Variants in AUTS2 observed in about 807,000 individuals in gnomAD.
AUTS2 encodes the protein activator of transcription and developmental regulator AUTS2, also known as autism susceptibility gene 2 protein.
A neutral mutation model predicts 112.4 loss-of-function variants in AUTS2; 17 were observed. The ratio of observed to expected loss-of-function variants is 0.15; its 90% CI spans 0.10 to 0.23. The LOEUF (loss-of-function observed/expected upper bound fraction) is 0.23, where lower values mean the gene tolerates loss of function less well. AUTS2 is among the 10% of genes least tolerant of loss of function. The pLI, the probability that AUTS2 is intolerant of heterozygous loss-of-function variation, is 1.00. For missense variants in AUTS2, 1,510 were observed against 1,701.6 expected (o/e 0.89, Z 1.98); for synonymous variants, 751 against 702.7 (o/e 1.07, Z -1.09).
chr7:69,738,567 C>T (rs1787134041), intron 1 of AUTS2, among the ~76,000 whole-genome samples: 1 of 152,088 alleles, frequency 6.6e-6, no homozygotes, highest in Non-Finnish European at 1.5e-5. Flanking sequence ...TTAAACTCAG[C>T]CTTGGACTAG....
At chr7:70,493,904 C>T (rs1375417542) in intron 5 of AUTS2, among the ~76,000 whole-genome samples, 1 of 151,878 alleles carries the variant, frequency 6.6e-6, no homozygotes, top group African/African-American at 2.4e-5. Flanking sequence ...AGTTGCAGTT[C>T]TAGGCAGTTA....
chr7:69,922,068 A>C (rs1429753869), intron 2 of AUTS2, among the ~76,000 whole-genome samples: 1 of 127,916 alleles, frequency 7.8e-6, no homozygotes, highest in African/African-American at 2.7e-5. Flanking sequence ...CTGTCTCAAA[A>C]AAAGAAAAAA....
intron 5 of AUTS2, among the ~76,000 whole-genome samples, chr7:70,505,700 G>T (rs1329863498): frequency 2.0e-5 from 3 of 152,158 alleles, no homozygotes; most frequent in African/African-American, 7.2e-5. Context: ...TTGTCCTAAG[G>T]AGGGAGCAGG....
rs1562793739 is a variant in AUTS2, at chr7:70,217,302, C to T, written c.660+82731C>T. On this transcript the variant is annotated intron_variant, in intron 4 of 18. Coordinates refer to ENST00000342771, the MANE Select transcript of AUTS2 (RefSeq NM_015570.4). The stretch of plus-strand genomic sequence containing the variant: ...CCTGGGATCTTGTGTTGTATGCAGT[C>T]ACTCTCAAGGTAGGAACTGGAAGAT... Among the ~76,000 whole-genome samples, 5 of 152,260 alleles carry T rather than the reference C, an allele frequency of 3.3e-5. No individual in the cohort carries two copies. In the South Asian group the frequency reaches 1.0e-3, roughly 32 times the overall value.
At position 70,351,760 on chromosome 7, in the gene AUTS2, G is replaced by T. The variant is rs1308243394; in HGVS notation, c.661-83992G>T. On this transcript the variant is annotated intron_variant, in intron 4 of 18. Coordinates refer to ENST00000342771, the MANE Select transcript of AUTS2 (RefSeq NM_015570.4). ...TCTGTTGCCCAGGCTGGCGTGCAGTGGTGTGATCTCGGCTTACTGCAAACT... is the reference window on the plus strand; with the variant it reads ...TCTGTTGCCCAGGCTGGCGTGCAGTTGTGTGATCTCGGCTTACTGCAAACT... Among the ~76,000 whole-genome samples, 7 of 143,292 alleles carry T rather than the reference G, an allele frequency of 4.9e-5. No individual in the cohort carries two copies. The East Asian group carries it at 1.4e-3, about 30-fold the overall frequency. The allele number at this position is 143,292 out of a possible 152,430, so 94.0% of individuals were successfully genotyped here. A position where few individuals can be genotyped will look rare whatever the true frequency, so the allele number is the denominator to read the frequency against.
At chr7:70,158,857 T>C (rs975894315) in intron 4 of AUTS2, among the ~76,000 whole-genome samples, 2 of 152,190 alleles carry the variant, frequency 1.3e-5, no homozygotes, top group East Asian at 3.8e-4. Context: ...ATATAAATAA[T>C]CATCTACCTA....
rs200365777 is a variant in AUTS2 at position 69,599,983 on chromosome 7, C to A, written c.309+21C>A. 3,392 of 1,612,306 alleles carry A rather than the reference C, an allele frequency of 2.1e-3. 39 individuals carry two copies. Among genetic ancestry groups the A allele is most frequent in the South Asian group, 0.02 (1,810 of 91,006 alleles). ...TGGAGGTAAGGGGGACCCCCCTTCC[C>A]CCGGGTTCCCTTTATGCACGACCCC... On this transcript the variant is annotated intron_variant, in intron 1 of 18. Transcript: ENST00000342771. This position sits in a 1 kb window ranked among gnomAD's most constrained non-coding sequence, Gnocchi z 7.0.
At chr7:70,346,964 T>G (rs1185884068) in intron 4 of AUTS2, among the ~76,000 whole-genome samples, 4 of 152,176 alleles carry the variant, frequency 2.6e-5, no homozygotes, top group African/African-American at 9.7e-5. Context: ...CAGTCTCCTT[T>G]CTGTTCAGCC....
intron 5 of AUTS2, among the ~76,000 whole-genome samples, chr7:70,635,656 T>G (rs1805496852): frequency 6.6e-6 from 1 of 152,220 alleles, no homozygotes; most frequent in Non-Finnish European, 1.5e-5. Flanking sequence ...GCATTGTTTA[T>G]CAGGTACTGT....
rs1212334197 is a variant in AUTS2 at position 70,212,028 on chromosome 7, A to G, written c.660+77457A>G. Among the ~76,000 whole-genome samples, 5 of 152,322 alleles carry G rather than the reference A, an allele frequency of 3.3e-5. No homozygotes were observed. In the East Asian group the frequency reaches 5.8e-4, roughly 18 times the overall value. On this transcript the variant is annotated intron_variant, in intron 4 of 18. Transcript: ENST00000342771. ...GCATTATACAGAGAACAAATTGAGTAGACTTTTTTAGAATGATAGAGTGTC... is the reference window on the plus strand; with the variant it reads ...GCATTATACAGAGAACAAATTGAGTGGACTTTTTTAGAATGATAGAGTGTC...
intron 1 of AUTS2, among the ~76,000 whole-genome samples, chr7:69,684,719 T>A (rs1189738856): frequency 6.6e-6 from 1 of 152,234 alleles, no homozygotes; most frequent in Non-Finnish European, 1.5e-5. Flanking sequence ...TTTAGCTTAC[T>A]GTGGAATATG....
chr7:69,904,844 G>T (rs955276723), intron 2 of AUTS2, among the ~76,000 whole-genome samples: 1 of 152,168 alleles, frequency 6.6e-6, no homozygotes, highest in Non-Finnish European at 1.5e-5. Context: ...AAGGAAAGAT[G>T]GAGGGAATAA....
intron 6 of AUTS2, among the ~76,000 whole-genome samples, chr7:70,751,706 C>A (rs778345500): frequency 6.6e-6 from 1 of 151,986 alleles, no homozygotes; most frequent in African/African-American, 2.4e-5. Flanking sequence ...ACAGAAGTAC[C>A]GTGTTTAAGT....
chr7:69,768,246 G>T (rs1473754975), intron 1 of AUTS2, among the ~76,000 whole-genome samples: 1 of 152,096 alleles, frequency 6.6e-6, no homozygotes, highest in Non-Finnish European at 1.5e-5. Flanking sequence ...TCTCACGCTG[G>T]GTTGTGTAAA....
chr7:70,065,133 C>T (rs1802428969), intron 2 of AUTS2, among the ~76,000 whole-genome samples: 1 of 152,102 alleles, frequency 6.6e-6, no homozygotes, highest in Non-Finnish European at 1.5e-5. Flanking sequence ...GAACAAATCA[C>T]TCTTGGAAAT....
In AUTS2 at chr7:69,808,054, A is replaced by G. The variant is rs146768800; in HGVS notation, c.310-91232A>G. 2.4e-4 allele frequency among the ~76,000 whole-genome samples: 36 copies of G among 149,524 alleles called. No individual in the cohort carries two copies. The East Asian group carries it at 6.6e-3, about 27-fold the overall frequency. ...CTCCTACCTCAGCCTCCGGATCCTG[A>G]GTAGCTGGGACTACAGGCTTGCACT... On this transcript the variant is annotated intron_variant, in intron 1 of 18. Transcript: ENST00000342771.
At chr7:70,226,972 G>C (rs1441799193) in intron 4 of AUTS2, among the ~76,000 whole-genome samples, 1 of 152,128 alleles carries the variant, frequency 6.6e-6, no homozygotes, top group Non-Finnish European at 1.5e-5. Flanking sequence ...TTTTAAGTGA[G>C]TACAGCTAAA....
intron 1 of AUTS2, among the ~76,000 whole-genome samples, chr7:69,638,451 T>C (rs772896529): frequency 6.6e-6 from 1 of 152,254 alleles, no homozygotes; most frequent in Non-Finnish European, 1.5e-5. Context: ...AGTACTAGAA[T>C]TGTATGTTTT....
intron 1 of AUTS2, among the ~76,000 whole-genome samples, chr7:69,747,545 A>G (rs995304452): frequency 6.6e-6 from 1 of 152,216 alleles, no homozygotes; most frequent in Non-Finnish European, 1.5e-5. Context: ...TCAGCATGAC[A>G]TGAAAGGTTC....
Sources: allele counts gnomAD v4.1 joint callset (sites outside exome capture counted in the v4.1 genomes callset), GRCh38; gene constraint gnomAD v4.1.1; non-coding constraint Gnocchi (gnomAD v3.1); transcripts MANE v1.5; gene names NCBI Gene and HGNC (gene_info 2026-07-23, HGNC 2026-07-21).